Variants in ROBO1 observed in about 807,000 individuals in gnomAD.
ROBO1 encodes the protein roundabout guidance receptor 1.
Under a neutral mutation model 195.9 loss-of-function variants are expected in ROBO1, and 149 were observed. The ratio of observed to expected loss-of-function variants is 0.76; its 90% confidence interval spans 0.67 to 0.87. The LOEUF is 0.87. ROBO1 is among the 40% of genes least tolerant of loss of function. The pLI, the probability that ROBO1 is intolerant of heterozygous loss-of-function variation, is 0.00. For missense variants in ROBO1, 1,933 were observed against 2,068.3 expected (o/e 0.93, Z 1.27); for synonymous variants, 816 against 733.2 (o/e 1.11, Z -1.82).
chr3:78,698,861 C>A (rs1030055246), intron 8 of ROBO1, among the ~76,000 whole-genome samples: 1 of 152,188 alleles, frequency 6.6e-6, no homozygotes, highest in African/African-American at 2.4e-5. Context: ...TTCTTCCTTT[C>A]TAAAAATATT....
chr3:78,641,148 G>C lies in ROBO1; in HGVS notation c.2883-1250C>G, dbSNP rs181455603. On this transcript the variant is annotated intron_variant, in intron 21 of 30. Transcript: ENST00000464233. ...TGTTTGTTTGTTTTTAAACAGGGAT[G>C]AACTCATGTGGTCATCACGACAATT... Among the ~76,000 whole-genome samples the C allele has an allele frequency of 5.9e-5, 9 of 152,234 alleles. No individual in the cohort carries two copies. The East Asian group carries it at 1.5e-3, about 26-fold the overall frequency.
chr3:79,313,865 T>C (rs1395787416), intron 2 of ROBO1, among the ~76,000 whole-genome samples: 1 of 152,202 alleles, frequency 6.6e-6, no homozygotes, highest in African/African-American at 2.4e-5. Context: ...ATAAATCATA[T>C]AGTCACTATT....
chr3:78,602,837 T>C (rs1253741153), intron 29 of ROBO1, among the ~76,000 whole-genome samples: 1 of 152,202 alleles, frequency 6.6e-6, no homozygotes, highest in Non-Finnish European at 1.5e-5. Flanking sequence ...CTCCCTTAGA[T>C]ATCTTCCTTT....
intron 2 of ROBO1, among the ~76,000 whole-genome samples, chr3:79,234,080 T>G (rs2082365537): frequency 6.6e-6 from 1 of 152,226 alleles, no homozygotes; most frequent in Admixed American, 6.5e-5. Context: ...AGATTCTGGA[T>G]ATTAGACCTT....
At chr3:79,365,814 G>A (rs1001986314) in intron 2 of ROBO1, among the ~76,000 whole-genome samples, 4 of 150,776 alleles carry the variant, frequency 2.7e-5, no homozygotes, top group Non-Finnish European at 5.9e-5. Flanking sequence ...GGAGAATGGC[G>A]TGAACCCAGG....
intron 4 of ROBO1, among the ~76,000 whole-genome samples, chr3:78,837,636 A>G (rs995564833): frequency 6.6e-6 from 1 of 152,136 alleles, no homozygotes; most frequent in African/African-American, 2.4e-5. Flanking sequence ...TTATGTGACA[A>G]CTTATCAGCT....
intron 3 of ROBO1, among the ~76,000 whole-genome samples, chr3:78,955,295 A>T (rs535535176): frequency 6.6e-6 from 1 of 151,988 alleles, no homozygotes; most frequent in Admixed American, 6.6e-5. Flanking sequence ...TGGTGTACAG[A>T]TTATTTCATT....
At chr3:79,298,677 G>T (rs1035522903) in intron 2 of ROBO1, among the ~76,000 whole-genome samples, 7 of 151,956 alleles carry the variant, frequency 4.6e-5, no homozygotes, top group South Asian at 2.1e-4. Context: ...ATTTTAATGG[G>T]TGCAAAGTAG....
intron 2 of ROBO1, among the ~76,000 whole-genome samples, chr3:79,375,981 T>A (rs901890918): frequency 6.6e-6 from 1 of 152,182 alleles, no homozygotes; most frequent in Admixed American, 6.5e-5. Context: ...CCAGGTGATA[T>A]CCACAGGACT....
intron 2 of ROBO1, among the ~76,000 whole-genome samples, chr3:79,562,590 T>C (rs1193378336): frequency 6.6e-6 from 1 of 152,076 alleles, no homozygotes; most frequent in Admixed American, 6.6e-5. Context: ...ACTAGAGAAA[T>C]GTTTTATTGA....
intron 3 of ROBO1, among the ~76,000 whole-genome samples, chr3:78,945,356 T>C (rs2040372865): frequency 6.6e-6 from 1 of 152,156 alleles, no homozygotes; most frequent in Non-Finnish European, 1.5e-5. Context: ...GCATTTGCAG[T>C]TCACCAATAT....
intron 2 of ROBO1, among the ~76,000 whole-genome samples, chr3:79,365,032 T>C (rs572003317): frequency 2.0e-5 from 3 of 152,306 alleles, no homozygotes; most frequent in East Asian, 1.9e-4. Flanking sequence ...CCTCACTCTA[T>C]AGCTACAACT....
chr3:79,536,303 C>G (rs915698792), intron 2 of ROBO1, among the ~76,000 whole-genome samples: 2 of 152,094 alleles, frequency 1.3e-5, no homozygotes, highest in Non-Finnish European at 2.9e-5. Context: ...ATCACATATA[C>G]ATGCAAATAG....
intron 3 of ROBO1, among the ~76,000 whole-genome samples, chr3:79,122,537 C>G (rs2080138473): frequency 6.6e-6 from 1 of 151,868 alleles, no homozygotes; most frequent in Non-Finnish European, 1.5e-5. Flanking sequence ...ATATAAGCAG[C>G]AACTACTATT....
chr3:79,147,502 C>T (rs2080677778), intron 2 of ROBO1, among the ~76,000 whole-genome samples: 1 of 151,926 alleles, frequency 6.6e-6, no homozygotes, highest in Non-Finnish European at 1.5e-5. Flanking sequence ...TTGTCCCAAG[C>T]TGAAATTAGT....
At chr3:78,916,916 C>T (rs9810094) in intron 4 of ROBO1, among the ~76,000 whole-genome samples, 5,933 of 152,194 alleles carry the variant, frequency 0.039, 344 homozygotes, top group African/African-American at 0.13. Context: ...ACCAGGAAAA[C>T]TTTCACCCAC....
At chr3:79,689,741 G>A (rs1369080932) in intron 1 of ROBO1, among the ~76,000 whole-genome samples, 1 of 151,934 alleles carries the variant, frequency 6.6e-6, no homozygotes, top group Non-Finnish European at 1.5e-5. Context: ...ACTTTCCCCA[G>A]TATAGTGTTA....
At position 78,687,405 on chromosome 3, in the gene ROBO1, G is replaced by A. The variant is rs377373197; in HGVS notation, c.1170+1243C>T. On this transcript the variant is annotated intron_variant, in intron 9 of 30. Coordinates refer to ENST00000464233, the MANE Select transcript of ROBO1 (RefSeq NM_002941.4). ...ATATACCATAATCAAATCAATATTT[G>A]GCTACTAAAGTGAAAGAAAAGGTGA... Among the ~76,000 whole-genome samples the A allele has an allele frequency of 6.6e-5, 10 of 152,130 alleles. No individual in the cohort carries two copies. In the East Asian group the frequency reaches 9.7e-4, roughly 15 times the overall value.
chr3:79,662,867 AAAGG>A (rs1280426366), intron 1 of ROBO1, among the ~76,000 whole-genome samples: 1 of 152,076 alleles, frequency 6.6e-6, no homozygotes, highest in African/African-American at 2.4e-5. Flanking sequence ...GGAGAATCTG[AAAGG>A]AAGTATGAGT....
Sources: gnomAD v4.1 joint callset for allele counts (sites outside exome capture counted in the v4.1 genomes callset) on GRCh38, gnomAD v4.1.1 for gene constraint, MANE v1.5 for transcripts, NCBI Gene and HGNC (gene_info 2026-07-23, HGNC 2026-07-21) for gene names.